Variants in LRBA observed in about 807,000 individuals in gnomAD.
The protein encoded by LRBA is lipopolysaccharide-responsive and beige-like anchor protein.
Under a neutral mutation model 330.0 loss-of-function variants are expected in LRBA, and 176 were observed. The ratio of observed to expected loss-of-function variants is 0.53; its 90% CI spans 0.47 to 0.60. The LOEUF (loss-of-function observed/expected upper bound fraction) is 0.60, where lower values mean the gene tolerates loss of function less well. LRBA is among the 20% of genes least tolerant of loss of function. The pLI is 0.00. For missense variants in LRBA, 3,259 were observed against 3,444.8 expected (o/e 0.95, Z 1.35); for synonymous variants, 1,230 against 1,193.0 (o/e 1.03, Z -0.64).
chr4:150,974,060 G>T (rs1474280334), intron 2 of LRBA, among the ~76,000 whole-genome samples: 1 of 152,122 alleles, frequency 6.6e-6, no homozygotes, highest in Non-Finnish European at 1.5e-5. Flanking sequence ...GCTATAAAAG[G>T]GTAATGGACA....
At chr4:150,349,270 C>G (rs956194165) in intron 48 of LRBA, among the ~76,000 whole-genome samples, 4 of 152,184 alleles carry the variant, frequency 2.6e-5, no homozygotes, top group Non-Finnish European at 5.9e-5. Context: ...TGATATATAA[C>G]TTGCCCCATG....
intron 37 of LRBA, among the ~76,000 whole-genome samples, chr4:150,651,103 G>A (rs984139048): frequency 3.3e-5 from 5 of 152,030 alleles, no homozygotes; most frequent in South Asian, 2.1e-4. Context: ...TCATTGAAAC[G>A]TTGAAAATTA....
intron 40 of LRBA, among the ~76,000 whole-genome samples, chr4:150,521,683 T>C (rs1762936231): frequency 6.6e-6 from 1 of 152,236 alleles, no homozygotes; most frequent in Admixed American, 6.5e-5. Flanking sequence ...TGATTTCTAG[T>C]TCAACTGAAT....
At chr4:150,828,120 C>A in intron 30 of LRBA, 60 bp downstream of exon 30, 2 of 1,506,060 alleles carry the variant, frequency 1.3e-6, no homozygotes, top group East Asian at 2.3e-5. Context: ...ATCCCTAACC[C>A]CCATGTTGTT....
intron 44 of LRBA, among the ~76,000 whole-genome samples, chr4:150,463,465 A>G (rs1429223647): frequency 2.0e-5 from 3 of 152,006 alleles, no homozygotes; most frequent in Non-Finnish European, 4.4e-5. Flanking sequence ...GACATTTCTT[A>G]TGTCTTTGTT....
intron 36 of LRBA, among the ~76,000 whole-genome samples, chr4:150,687,878 C>G (rs776440754): frequency 6.6e-6 from 1 of 152,068 alleles, no homozygotes; most frequent in Admixed American, 6.6e-5. Context: ...CCATACTATC[C>G]AAATTAATTT....
At chr4:150,587,914 A>T in intron 40 of LRBA, 134 bp downstream of exon 40, 1 of 853,842 alleles carries the variant, frequency 1.2e-6, no homozygotes, top group Non-Finnish European at 1.8e-6. Context: ...TAAAGAAGAT[A>T]ATGACATTGC....
At chr4:150,350,744 T>C (rs1427422771) in intron 47 of LRBA, among the ~76,000 whole-genome samples, 4 of 152,182 alleles carry the variant, frequency 2.6e-5, no homozygotes, top group Admixed American at 1.3e-4. Context: ...GGGCCTATCT[T>C]GGTCACATTT....
At chr4:150,404,454 A>G (rs1339866433) in intron 47 of LRBA, among the ~76,000 whole-genome samples, 1 of 152,172 alleles carries the variant, frequency 6.6e-6, no homozygotes, top group Admixed American at 6.5e-5. Flanking sequence ...TTAGGGTATC[A>G]TTTGGCTAAA....
chr4:150,635,028 G>A (rs1293063318), intron 37 of LRBA, among the ~76,000 whole-genome samples: 1 of 152,174 alleles, frequency 6.6e-6, no homozygotes, highest in African/African-American at 2.4e-5. Context: ...AAGGTTGTTT[G>A]GACCTGGGGC....
intron 34 of LRBA, among the ~76,000 whole-genome samples, chr4:150,793,354 C>T (rs908841342): frequency 1.3e-5 from 2 of 152,002 alleles, no homozygotes; most frequent in African/African-American, 4.8e-5. Flanking sequence ...AAACCAAAGG[C>T]CCTGCTCATA....
At chr4:150,303,258 T>C (rs1729903662) in intron 52 of LRBA, among the ~76,000 whole-genome samples, 1 of 152,258 alleles carries the variant, frequency 6.6e-6, no homozygotes, top group Non-Finnish European at 1.5e-5. Context: ...GAAGATTTAA[T>C]GTATTTCTTG....
chr4:150,938,644 C>A (rs752794556), intron 2 of LRBA, among the ~76,000 whole-genome samples: 1 of 152,104 alleles, frequency 6.6e-6, no homozygotes, highest in Non-Finnish European at 1.5e-5. Context: ...TTTCCAGCTA[C>A]GCTCCTTCCT....
intron 43 of LRBA, among the ~76,000 whole-genome samples, chr4:150,468,055 T>C (rs1365321723): frequency 1.3e-5 from 2 of 152,044 alleles, no homozygotes; most frequent in African/African-American, 2.4e-5. Flanking sequence ...GAAATCCAGA[T>C]TTTCTGGTCC....
intron 35 of LRBA, among the ~76,000 whole-genome samples, chr4:150,760,372 T>C (rs1734912215): frequency 6.6e-6 from 1 of 152,148 alleles, no homozygotes; most frequent in South Asian, 2.1e-4. Flanking sequence ...TATAGATCAC[T>C]GTAGTAACCT....
intron 51 of LRBA, chr4:150,311,251 G>C (rs990135721): frequency 3.3e-5 from 5 of 152,102 alleles, no homozygotes; most frequent in African/African-American, 1.2e-4. Context: ...TGTTTCTAGT[G>C]ATCTAAGGGT....
chr4:150,805,459 A>AAAGGG (rs1344758983), intron 33 of LRBA, among the ~76,000 whole-genome samples: 3 of 123,600 alleles, frequency 2.4e-5, no homozygotes, highest in Non-Finnish European at 5.2e-5. Context: ...AAAGGAAAGG[A>AAAGGG]AAGGAAAGGA....
intron 34 of LRBA, among the ~76,000 whole-genome samples, chr4:150,777,525 A>T (rs1275375188): frequency 6.6e-6 from 1 of 152,172 alleles, no homozygotes. Flanking sequence ...GCCCTTGTAA[A>T]ACGAAGCGAA....
chr4:150,999,733 G>A (rs972764572), intron 2 of LRBA, among the ~76,000 whole-genome samples: 8 of 151,912 alleles, frequency 5.3e-5, no homozygotes, highest in African/African-American at 1.9e-4. Flanking sequence ...ACAATTTCAG[G>A]TATAATATAC....
Sources: gnomAD v4.1 joint callset for allele counts (sites outside exome capture counted in the v4.1 genomes callset) on GRCh38, gnomAD v4.1.1 for gene constraint, MANE v1.5 for transcripts, NCBI Gene and HGNC (gene_info 2026-07-23, HGNC 2026-07-21) for gene names.